RYR2: variants seen among roughly 807,000 people sequenced by gnomAD.
RYR2 encodes the protein cardiac muscle ryanodine receptor-calcium release channel.
Under a neutral mutation model 601.1 loss-of-function variants are expected in RYR2, and 227 were observed. That is an observed-to-expected ratio of 0.38 (90% CI 0.34 to 0.42). The LOEUF is 0.42. Among genes scored for constraint, RYR2 ranks in the 10% least tolerant of loss-of-function variants. The pLI, the probability that RYR2 is intolerant of heterozygous loss-of-function variation, is 1.00. For synonymous variants in RYR2, 2,223 were observed against 2,175.1 expected, an observed-to-expected ratio of 1.02 and a Z score of -0.61; for missense variants, 4,646 against 6,156.5, an observed-to-expected ratio of 0.75 and a Z score of 8.21.
intron 69 of RYR2, 32 bp downstream of exon 69, chr1:237,709,130 A>C: frequency 6.6e-7 from 1 of 1,522,560 alleles, no homozygotes; most frequent in Non-Finnish European, 8.8e-7. Context: ...TAATTTCTCC[A>C]ATTCGGTCAT....
chr1:237,622,837 T>C (rs1396175639), intron 38 of RYR2, among the ~76,000 whole-genome samples: 1 of 152,234 alleles, frequency 6.6e-6, no homozygotes, highest in African/African-American at 2.4e-5. Context: ...CTGTGGCTTT[T>C]CATCTCTATG....
At position 237,510,973 on chromosome 1, in the gene RYR2, G is replaced by T. The variant is rs971611598; in HGVS notation, c.2719-715G>T. Among the ~76,000 whole-genome samples, 6 of 152,116 alleles carry T rather than the reference G, an allele frequency of 3.9e-5. No individual in the cohort carries two copies. In the South Asian group the frequency reaches 1.0e-3, roughly 26 times the overall value. On this transcript the variant is annotated intron_variant, in intron 23 of 104. Coordinates refer to ENST00000366574, the MANE Select transcript of RYR2 (RefSeq NM_001035.3). ...TGAGATCAGGAGGTAACATGCAGGG[G>T]GTAAAAGAAACAGCTAGAACCACCT...
intron 58 of RYR2, among the ~76,000 whole-genome samples, chr1:237,671,815 A>T (rs1316929887): frequency 6.6e-6 from 1 of 151,990 alleles, no homozygotes; most frequent in Non-Finnish European, 1.5e-5. Context: ...TAAGTCCAAA[A>T]AGTATGATTA....
At chr1:237,246,959 G>A (rs202050749) in intron 1 of RYR2, among the ~76,000 whole-genome samples, 7 of 152,118 alleles carry the variant, frequency 4.6e-5, no homozygotes, top group African/African-American at 9.7e-5. Context: ...ACAAAGTTTC[G>A]TCTCAGTTAC....
At chr1:237,127,105 G>A (rs1240087200) in intron 1 of RYR2, among the ~76,000 whole-genome samples, 5 of 151,540 alleles carry the variant, frequency 3.3e-5, no homozygotes, top group Non-Finnish European at 5.9e-5. Flanking sequence ...TTGGGGGTAA[G>A]GTCACAGATC....
At chr1:237,148,821 G>T (rs1674370325) in intron 1 of RYR2, among the ~76,000 whole-genome samples, 1 of 151,964 alleles carries the variant, frequency 6.6e-6, no homozygotes, top group South Asian at 2.1e-4. Context: ...TACACAGTAG[G>T]CATTAAATAC....
intron 1 of RYR2, among the ~76,000 whole-genome samples, chr1:237,135,382 T>C (rs996854960): frequency 8.6e-5 from 13 of 151,982 alleles, no homozygotes; most frequent in Admixed American, 1.3e-4. Flanking sequence ...TTTTCTTTTT[T>C]TTTTTGATAC....
chr1:237,255,572 A>G (rs1174282830), intron 1 of RYR2, among the ~76,000 whole-genome samples: 1 of 152,216 alleles, frequency 6.6e-6, no homozygotes, highest in East Asian at 1.9e-4. Context: ...CTTAGTATTT[A>G]TCAAGAAGTA....
At chr1:237,095,546 T>C (rs1667424292) in intron 1 of RYR2, among the ~76,000 whole-genome samples, 1 of 152,204 alleles carries the variant, frequency 6.6e-6, no homozygotes, top group Non-Finnish European at 1.5e-5. Context: ...CCGACATCTC[T>C]TTCTCACTCA....
At chr1:237,452,107 A>ATG (rs140534260) in intron 14 of RYR2, among the ~76,000 whole-genome samples, 75,478 of 127,246 alleles carry the variant, frequency 0.59, 20,921 homozygotes, top group East Asian at 0.73. Context: ...GTGTGTGTGT[A>ATG]TGTGTGTGTA....
intron 1 of RYR2, among the ~76,000 whole-genome samples, chr1:237,213,077 GTTA>G (rs1682768412): frequency 6.6e-6 from 1 of 151,620 alleles, no homozygotes; most frequent in Non-Finnish European, 1.5e-5. Flanking sequence ...CGGCTGATTG[GTTA>G]TTATTATTAA....
intron 51 of RYR2, among the ~76,000 whole-genome samples, chr1:237,652,638 T>C (rs539461651): frequency 6.6e-6 from 1 of 152,298 alleles, no homozygotes; most frequent in East Asian, 1.9e-4. Flanking sequence ...TTAGGTAAAA[T>C]AAATTATATC....
intron 1 of RYR2, among the ~76,000 whole-genome samples, chr1:237,171,062 G>A (rs558341280): frequency 4.6e-5 from 7 of 151,954 alleles, no homozygotes; most frequent in South Asian, 2.1e-4. Flanking sequence ...GTGAAACCCC[G>A]TCTCTACTAA....
intron 1 of RYR2, among the ~76,000 whole-genome samples, chr1:237,146,952 A>C (rs570107995): frequency 2.0e-5 from 3 of 152,288 alleles, no homozygotes; most frequent in Admixed American, 2.0e-4. Flanking sequence ...TTAAAATCTA[A>C]AATTGCCCTT....
At chr1:237,726,494 A>C (rs528410053) in intron 75 of RYR2, among the ~76,000 whole-genome samples, 186 bp downstream of exon 75, 21 of 152,248 alleles carry the variant, frequency 1.4e-4, no homozygotes, top group Middle Eastern at 3.4e-3. Flanking sequence ...ATCTAACAAA[A>C]TATTTACATA....
chr1:237,717,947 T>G (rs1406673786), intron 72 of RYR2, among the ~76,000 whole-genome samples: 1 of 152,230 alleles, frequency 6.6e-6, no homozygotes, highest in Non-Finnish European at 1.5e-5. Flanking sequence ...CATTCCACAT[T>G]GAATCACTGA....
At chr1:237,738,358 T>C (rs1691322712) in intron 79 of RYR2, among the ~76,000 whole-genome samples, 2 of 152,170 alleles carry the variant, frequency 1.3e-5, no homozygotes, top group South Asian at 4.1e-4. Flanking sequence ...TTTCTAATAA[T>C]GTAGTAACTA....
intron 1 of RYR2, among the ~76,000 whole-genome samples, chr1:237,154,681 A>G (rs1403911434): frequency 6.6e-6 from 1 of 152,206 alleles, no homozygotes; most frequent in Non-Finnish European, 1.5e-5. Flanking sequence ...AAAGAATTCA[A>G]TAATGGCCTG....
Position 237,610,863 on chromosome 1 carries a change from G to T in RYR2, c.4785G>T (p.Leu1595=). 1 of 1,613,398 alleles carries T rather than the reference G, an allele frequency of 6.2e-7. No individual in the cohort carries two copies. The highest frequency in any genetic ancestry group is 8.5e-7 in the Non-Finnish European group (1 of 1,179,678). The change falls in exon 36 of 105, where the codon CTG becomes CTT. Residue 1595 remains leucine, a synonymous_variant. Transcript: ENST00000366574. The surrounding 1 kb of genome is among the most constrained non-coding windows in gnomAD (Gnocchi z 4.9). ...RLHVQFLSHV[L]WSRMPNQFLK... is the part of the protein sequence containing the mutation. ...ACGTGCAGTTCCTGTCACACGTCCT[G>T]TGGAGCAGAATGCCCAACCAGTTTT...
Sources: gnomAD v4.1 joint callset for allele counts (sites outside exome capture counted in the v4.1 genomes callset) on GRCh38, gnomAD v4.1.1 for gene constraint, Gnocchi (gnomAD v3.1) non-coding constraint, MANE v1.5 for transcripts, NCBI Gene and HGNC (gene_info 2026-07-23, HGNC 2026-07-21) for gene names.